KCNH7: variants seen among roughly 807,000 people sequenced by gnomAD.
The protein encoded by KCNH7 is potassium voltage-gated channel subfamily H member 7.
Under a neutral mutation model 120.8 loss-of-function variants are expected in KCNH7, and 49 were observed. That is an observed-to-expected ratio of 0.41 (90% CI 0.32 to 0.51). KCNH7 has a LOEUF of 0.51. Among genes scored for constraint, KCNH7 ranks in the 20% least tolerant of loss-of-function variants. The pLI is 0.38. For missense variants in KCNH7, 1,097 were observed against 1,446.6 expected (o/e 0.76, Z 3.92); for synonymous variants, 547 against 516.1 (o/e 1.06, Z -0.81).
intron 2 of KCNH7, among the ~76,000 whole-genome samples, chr2:162,635,202 C>T (rs1683912376): frequency 6.6e-6 from 1 of 152,006 alleles, no homozygotes; most frequent in Admixed American, 6.6e-5. Flanking sequence ...TTTCAATTCT[C>T]AGCAAATATT....
chr2:162,471,306 C>T (rs1443669386), intron 6 of KCNH7, among the ~76,000 whole-genome samples: 1 of 151,432 alleles, frequency 6.6e-6, no homozygotes, highest in African/African-American at 2.4e-5. Context: ...TAGGTGAAGC[C>T]CAGGAATCTG....
At chr2:162,616,839 AT>A (rs556936444) in intron 2 of KCNH7, among the ~76,000 whole-genome samples, 1 of 152,202 alleles carries the variant, frequency 6.6e-6, no homozygotes, top group Middle Eastern at 3.4e-3. Flanking sequence ...GATGTACCCT[AT>A]TTTTTTCTCC....
At chr2:162,755,847 C>T (rs1688770250) in intron 2 of KCNH7, among the ~76,000 whole-genome samples, 1 of 152,074 alleles carries the variant, frequency 6.6e-6, no homozygotes. Flanking sequence ...ATACTTGGTA[C>T]ATCTAAATTA....
intron 6 of KCNH7, among the ~76,000 whole-genome samples, chr2:162,485,829 C>T (rs1690077587): frequency 6.6e-6 from 1 of 152,166 alleles, no homozygotes; most frequent in Non-Finnish European, 1.5e-5. Flanking sequence ...CAGGATGGTA[C>T]AGCTCAACTG....
chr2:162,761,137 T>C (rs773709487), intron 2 of KCNH7, among the ~76,000 whole-genome samples: 12 of 152,102 alleles, frequency 7.9e-5, no homozygotes, highest in Non-Finnish European at 1.5e-4. Flanking sequence ...TTTAACACTT[T>C]TGCTTCATCT....
intron 2 of KCNH7, among the ~76,000 whole-genome samples, chr2:162,563,180 C>T (rs1349345331): frequency 6.6e-6 from 1 of 152,188 alleles, no homozygotes; most frequent in Non-Finnish European, 1.5e-5. Flanking sequence ...GCTCTGCCAT[C>T]TACTAACTGA....
intron 2 of KCNH7, among the ~76,000 whole-genome samples, chr2:162,629,687 A>G (rs528480550): frequency 1.3e-5 from 2 of 152,170 alleles, no homozygotes; most frequent in South Asian, 2.1e-4. Flanking sequence ...TTTTCCCAAT[A>G]CCACATTCAG....
At chr2:162,793,501 C>A (rs1684031624) in intron 2 of KCNH7, among the ~76,000 whole-genome samples, 1 of 151,266 alleles carries the variant, frequency 6.6e-6, no homozygotes. Flanking sequence ...ATAACATAAA[C>A]AAAATTTAGA....
At chr2:162,462,662 A>G (rs1254678377) in intron 6 of KCNH7, among the ~76,000 whole-genome samples, 1 of 152,078 alleles carries the variant, frequency 6.6e-6, no homozygotes, top group East Asian at 1.9e-4. Context: ...AATAAAGTCA[A>G]GGATGGCAAC....
intron 2 of KCNH7, among the ~76,000 whole-genome samples, chr2:162,746,652 T>C (rs1378071044): frequency 6.6e-6 from 1 of 152,134 alleles, no homozygotes; most frequent in African/African-American, 2.4e-5. Flanking sequence ...GCTGTAAACC[T>C]AAATCAGATA....
intron 9 of KCNH7, among the ~76,000 whole-genome samples, chr2:162,421,204 C>T (rs1264820647): frequency 1.3e-5 from 2 of 151,834 alleles, no homozygotes; most frequent in Non-Finnish European, 2.9e-5. Context: ...CACTCCAGGA[C>T]GATGTAATAC....
chr2:162,790,495 C>T (rs1445997339), intron 2 of KCNH7, among the ~76,000 whole-genome samples: 1 of 151,898 alleles, frequency 6.6e-6, no homozygotes, highest in African/African-American at 2.4e-5. Flanking sequence ...AAGGTCAGCA[C>T]TATCCTGATA....
At position 162,394,402 on chromosome 2, in the gene KCNH7, A is replaced by T. The variant is rs1202658658; in HGVS notation, c.2697T>A (p.Ser899Arg). The T allele has an allele frequency of 6.4e-7, 1 of 1,573,784 alleles. No individual in the cohort carries two copies. ...GGAATGAATTACCTTTCTCTCCTTCACTTTCAAATGACAATTTCCTTCTTC... is the reference window on the plus strand; with the variant it reads ...GGAATGAATTACCTTTCTCTCCTTCTCTTTCAAATGACAATTTCCTTCTTC... ...KLRRRKLSFE[S>R]EGEKENSTND... Residue 899 changes from serine (S) to arginine (R), a missense_variant, in exon 12 of 16, where the codon AGT becomes AGA. Ser to Arg is a moderately radical substitution (Grantham distance 110). Coordinates refer to ENST00000332142, the MANE Select transcript of KCNH7 (RefSeq NM_033272.4).
chr2:162,632,563 T>C (rs1211073288), intron 2 of KCNH7, among the ~76,000 whole-genome samples: 1 of 151,822 alleles, frequency 6.6e-6, no homozygotes, highest in Non-Finnish European at 1.5e-5. Context: ...GAAAGAAACT[T>C]TCAATAAAGA....
At chr2:162,481,559 T>G (rs1040361339) in intron 6 of KCNH7, among the ~76,000 whole-genome samples, 4 of 152,154 alleles carry the variant, frequency 2.6e-5, no homozygotes, top group Non-Finnish European at 5.9e-5. Flanking sequence ...TGTCTCCCCA[T>G]CATTTCCAGA....
At chr2:162,671,325 A>T (rs1685344846) in intron 2 of KCNH7, among the ~76,000 whole-genome samples, 1 of 152,076 alleles carries the variant, frequency 6.6e-6, no homozygotes, top group South Asian at 2.1e-4. Flanking sequence ...CCAATGGATA[A>T]TTGGATGAAA....
chr2:162,733,959 G>A (rs1466777498), intron 2 of KCNH7, among the ~76,000 whole-genome samples: 1 of 152,102 alleles, frequency 6.6e-6, no homozygotes, highest in Non-Finnish European at 1.5e-5. Context: ...TAAACCACCA[G>A]CATTACTTAA....
intron 2 of KCNH7, among the ~76,000 whole-genome samples, chr2:162,706,903 G>A (rs1686723386): frequency 6.6e-6 from 1 of 152,142 alleles, no homozygotes; most frequent in African/African-American, 2.4e-5. Context: ...GTGTGTAACT[G>A]AGAACTTTAA....
intron 8 of KCNH7, among the ~76,000 whole-genome samples, chr2:162,434,047 C>T (rs891432131): frequency 6.6e-6 from 1 of 151,710 alleles, no homozygotes; most frequent in African/African-American, 2.4e-5. Context: ...ACTATGCAGC[C>T]ATAAAAAAGA....
Sources: gnomAD v4.1 joint callset for allele counts (sites outside exome capture counted in the v4.1 genomes callset) on GRCh38, gnomAD v4.1.1 for gene constraint, MANE v1.5 for transcripts, NCBI Gene and HGNC (gene_info 2026-07-23, HGNC 2026-07-21) for gene names.